RP1: variants seen among roughly 807,000 people sequenced by gnomAD.
RP1 encodes RP1 axonemal microtubule associated.
A neutral mutation model predicts 14.8 loss-of-function variants in RP1; 16 were observed. That is an observed-to-expected ratio of 1.08 (90% CI 0.73 to 1.65). RP1 has a LOEUF of 1.65. RP1 is among the 40% of genes most tolerant of loss of function. The pLI is 0.00. For missense variants in RP1, 2,631 were observed against 2,535.0 expected (o/e 1.04, Z -0.81); for synonymous variants, 876 against 883.6 (o/e 0.99, Z 0.15).
At chr8:54,719,831 G>A (rs1808492813) in intron 15 of RP1, among the ~76,000 whole-genome samples, 1 of 152,144 alleles carries the variant, frequency 6.6e-6, no homozygotes, top group African/African-American at 2.4e-5. Context: ...CACCCATAGA[G>A]GTGAGCAACT....
rs775652747 is a variant in RP1, at chr8:54,627,228, C to T, written c.3346C>T (p.Pro1116Ser). 18 of 1,613,946 alleles carry T rather than the reference C, an allele frequency of 1.1e-5. No homozygotes were observed. The Admixed American group carries it at 3.0e-4, about 27-fold the overall frequency. ...AATGCCAGGTTCACTTGCAGGTGTT[C>T]CCTTTCATTCTGCAATATGTAATTC... ...VQMPGSLAGV[P>S]FHSAICNSST... Residue 1116 changes from proline (P) to serine (S), a missense_variant, in exon 4 of 4, where the codon CCC becomes TCC. Physicochemically the swap from Pro to Ser is moderately conservative, Grantham distance 74. Transcript: ENST00000220676.
In RP1 at chr8:54,736,231, G is replaced by A. The variant is rs1387185133; in HGVS notation, c.2721+1487G>A. Reference sequence around the variant, plus strand: ...GCACTATCTTTATGTATAGAATACAGGCAATAAGATCTTTTCTTTCTAAAT... The same window carrying A: ...GCACTATCTTTATGTATAGAATACAAGCAATAAGATCTTTTCTTTCTAAAT... On this transcript the variant is annotated intron_variant, in intron 18 of 22. Coordinates refer to the RP1 transcript ENST00000636932. Among the ~76,000 whole-genome samples the A allele has an allele frequency of 3.9e-5, 6 of 152,060 alleles. 1 individual carries two copies. In the Middle Eastern group the frequency reaches 0.01, roughly 259 times the overall value.
At chr8:54,798,553 G>A (rs1163541136) in intron 24 of RP1, among the ~76,000 whole-genome samples, 1 of 152,108 alleles carries the variant, frequency 6.6e-6, no homozygotes, top group East Asian at 1.9e-4. Flanking sequence ...ATGTTGGTTA[G>A]GTTAATTAAT....
At chr8:54,711,919 G>A (rs1398258961) in intron 15 of RP1, among the ~76,000 whole-genome samples, 1 of 152,068 alleles carries the variant, frequency 6.6e-6, no homozygotes, top group Non-Finnish European at 1.5e-5. Flanking sequence ...AAAGACCTAG[G>A]GAAAACTTTG....
intron 24 of RP1, among the ~76,000 whole-genome samples, chr8:54,831,515 ATAGAG>A (rs1811528958): frequency 6.7e-6 from 1 of 148,996 alleles, no homozygotes; most frequent in Admixed American, 6.7e-5. Flanking sequence ...TTCTTATCAC[ATAGAG>A]TAAACTTTAA....
chr8:54,831,053 T>C (rs1373322736), intron 24 of RP1, among the ~76,000 whole-genome samples: 7 of 152,126 alleles, frequency 4.6e-5, no homozygotes, highest in Admixed American at 6.5e-5. Flanking sequence ...TTTTTATGGC[T>C]GAATAATATT....
intron 24 of RP1, among the ~76,000 whole-genome samples, chr8:54,831,219 C>T (rs928922811): frequency 4.6e-5 from 7 of 151,714 alleles, no homozygotes; most frequent in African/African-American, 1.7e-4. Flanking sequence ...GGGTATATAC[C>T]CAGCAGTGGA....
chr8:54,745,258 G>T (rs1247972939), intron 19 of RP1, among the ~76,000 whole-genome samples: 5 of 152,192 alleles, frequency 3.3e-5, no homozygotes, highest in Admixed American at 6.5e-5. Flanking sequence ...TCTTCCAAAA[G>T]ATTTATGGAG....
intron 19 of RP1, among the ~76,000 whole-genome samples, chr8:54,751,759 G>T (rs115361480): frequency 6.6e-6 from 1 of 152,134 alleles, no homozygotes; most frequent in East Asian, 1.9e-4. Context: ...CTAATTTAAC[G>T]GTTGAAAAAA....
At chr8:54,688,503 A>G (rs990138400) in intron 12 of RP1, among the ~76,000 whole-genome samples, 2 of 152,178 alleles carry the variant, frequency 1.3e-5, no homozygotes, top group Non-Finnish European at 2.9e-5. Context: ...GGTGTAAGGA[A>G]GGGATCCAGT....
chr8:54,740,834 C>T (rs1282743611), intron 19 of RP1, among the ~76,000 whole-genome samples: 1 of 151,922 alleles, frequency 6.6e-6, no homozygotes, highest in Non-Finnish European at 1.5e-5. Context: ...CACCTGAGGT[C>T]AGGAGTTGGA....
chr8:54,795,447 A>G (rs1946981089), intron 24 of RP1, among the ~76,000 whole-genome samples: 1 of 152,116 alleles, frequency 6.6e-6, no homozygotes, highest in Admixed American at 6.6e-5. Flanking sequence ...GAAGGGTTAA[A>G]TTTCCTCAGA....
chr8:54,627,910 A>G lies in RP1; in HGVS notation c.4028A>G (p.Asp1343Gly). Residue 1343 changes from aspartate (D) to glycine (G), a missense_variant, in exon 4 of 4, where the codon GAC becomes GGC. Coordinates refer to ENST00000220676, the MANE Select transcript of RP1 (RefSeq NM_006269.2). ...CCTGTCAATGTCTGCAATACCATTG[A>G]CTTTTTAAACTCCAAAGAAAACACA... ...YVPVNVCNTI[D>G]FLNSKENTYT... 1 of 1,614,176 alleles carries G rather than the reference A, an allele frequency of 6.2e-7. No homozygotes were observed. Among genetic ancestry groups the G allele is most frequent in the South Asian group, 1.1e-5 (1 of 91,088 alleles).
At chr8:54,620,679 A>G (rs893807233) in intron 1 of RP1, among the ~76,000 whole-genome samples, 6 of 152,176 alleles carry the variant, frequency 3.9e-5, no homozygotes, top group Admixed American at 6.5e-5. Flanking sequence ...TTTCCATTGC[A>G]TGGGTGTATA....
chr8:54,770,232 A>G (rs1809868258), downstream of RP1: 2 of 399,480 alleles, frequency 5.0e-6, no homozygotes, highest in Non-Finnish European at 8.8e-6. Flanking sequence ...TTTCAAGATT[A>G]CCAGCCTTAC....
chr8:54,852,416 G>A (rs1349107015), intron 25 of RP1, among the ~76,000 whole-genome samples: 2 of 152,162 alleles, frequency 1.3e-5, no homozygotes, highest in East Asian at 1.9e-4. Flanking sequence ...TAAGTAGCTG[G>A]AAGTATGTTT....
intron 1 of RP1, chr8:54,561,604 C>G (rs1395618990): frequency 6.6e-6 from 1 of 152,174 alleles, no homozygotes; most frequent in Non-Finnish European, 1.5e-5. Context: ...AGAAAGTGAA[C>G]ATCACAGATG....
At chr8:54,826,993 C>T (rs1037729688) in intron 24 of RP1, among the ~76,000 whole-genome samples, 6 of 151,998 alleles carry the variant, frequency 3.9e-5, no homozygotes, top group Admixed American at 1.3e-4. Context: ...TAATGACTTA[C>T]GTATCTAAAC....
intron 5 of RP1, chr8:54,652,966 T>C: frequency 7.9e-6 from 6 of 757,916 alleles, no homozygotes; most frequent in Non-Finnish European, 1.1e-5. Context: ...TAGAGTCCTG[T>C]ACCTTTTTAG....
Sources: gnomAD v4.1 joint callset for allele counts (sites outside exome capture counted in the v4.1 genomes callset) on GRCh38, gnomAD v4.1.1 for gene constraint, MANE v1.5 for transcripts, NCBI Gene and HGNC (gene_info 2026-07-23, HGNC 2026-07-21) for gene names.